The following OPRM1 variants were observed in gnomAD, a reference collection of about 807,000 sequenced individuals.
The protein encoded by OPRM1 is mu-type opioid receptor.
Under a neutral mutation model 31.8 loss-of-function variants are expected in OPRM1, and 27 were observed. That is an observed-to-expected ratio of 0.85 (90% CI 0.63 to 1.17). OPRM1 has a LOEUF of 1.17. Among genes scored for constraint, OPRM1 ranks in the 50% most tolerant of loss-of-function variants. OPRM1 has a pLI of 0.00. For synonymous variants in OPRM1, 196 were observed against 189.9 expected (o/e 1.03, Z -0.26); for missense variants, 536 against 511.1 (o/e 1.05, Z -0.47).
intron 3 of OPRM1, among the ~76,000 whole-genome samples, chr6:154,139,350 G>A (rs1230104684): frequency 6.6e-6 from 1 of 152,196 alleles, no homozygotes; most frequent in East Asian, 1.9e-4. Flanking sequence ...GAGGTCAAGA[G>A]GGGGGTTATA....
At position 154,132,030 on chromosome 6, in the gene OPRM1, G is replaced by C. The variant is rs114617822; in HGVS notation, c.*13309G>C. 4.2e-3 allele frequency among the ~76,000 whole-genome samples: 623 copies of C among 149,932 alleles called. 2 individuals carry two copies. Among genetic ancestry groups the C allele is most frequent in the African/African-American group, 0.015 (602 of 40,686 alleles). On this transcript the variant is annotated 3_prime_UTR_variant, in exon 4 of 4. Transcript: ENST00000330432. Reference sequence around the variant, plus strand: ...AAAATAAATATCTTCATTTAAAGTAGAGACAAAGCTACTATTTCACATTTC... The same window carrying C: ...AAAATAAATATCTTCATTTAAAGTACAGACAAAGCTACTATTTCACATTTC...
At chr6:154,139,352 G>A (rs546650078) in intron 3 of OPRM1, among the ~76,000 whole-genome samples, 1 of 152,294 alleles carries the variant, frequency 6.6e-6, no homozygotes, top group South Asian at 2.1e-4. Flanking sequence ...GGTCAAGAGG[G>A]GGGTTATAGT....
intron 1 of OPRM1, among the ~76,000 whole-genome samples, chr6:154,053,930 A>G (rs946076661): frequency 6.6e-6 from 1 of 152,214 alleles, no homozygotes. Context: ...GATAAAATGA[A>G]TAATAATTGA....
At position 154,214,338 on chromosome 6, in the gene OPRM1, C is replaced by T. The variant is rs565516850; in HGVS notation, c.1165-32355C>T. ...GATTAGCCCCCCACCCATTCACCTTCCCCCAGAGTTTGTTATGAAATTAGG... is the reference window on the plus strand; with the variant it reads ...GATTAGCCCCCCACCCATTCACCTTTCCCCAGAGTTTGTTATGAAATTAGG... On this transcript the variant is annotated intron_variant, in intron 3 of 3. Transcript: ENST00000337049. 581 of 1,092,396 alleles carry T rather than the reference C, an allele frequency of 5.3e-4. 4 individuals carry two copies. The African/African-American group carries it at 8.3e-3, about 16-fold the overall frequency. The allele number at this position is 1,092,396 out of a possible 1,614,324, so 67.7% of individuals were successfully genotyped here. A position where few individuals can be genotyped will look rare whatever the true frequency, so the allele number is the denominator to read the frequency against.
chr6:154,044,557 A>C (rs1780725684), intron 1 of OPRM1, among the ~76,000 whole-genome samples: 1 of 152,118 alleles, frequency 6.6e-6, no homozygotes, highest in African/African-American at 2.4e-5. Context: ...ATTTGTAAAA[A>C]TTTATTTGCA....
chr6:154,100,224 G>A (rs9479761), intron 3 of OPRM1, among the ~76,000 whole-genome samples: 30,324 of 45,276 alleles, frequency 0.67, 11,032 homozygotes, highest in East Asian at 0.87. Context: ...ATGACATATC[G>A]TAATATATAT....
chr6:154,193,378 G>T (rs1032619220), intron 3 of OPRM1, among the ~76,000 whole-genome samples: 1 of 152,116 alleles, frequency 6.6e-6, no homozygotes, highest in African/African-American at 2.4e-5. Flanking sequence ...TAAGAGTGAG[G>T]TGACAGATAA....
chr6:154,071,086 T>A (rs1177730717), intron 1 of OPRM1, among the ~76,000 whole-genome samples: 2 of 152,234 alleles, frequency 1.3e-5, no homozygotes, highest in African/African-American at 4.8e-5. Context: ...GTCTTCACTT[T>A]GATAACTTCT....
At chr6:154,092,817 A>G (rs1477359527) in intron 3 of OPRM1, among the ~76,000 whole-genome samples, 5 of 152,226 alleles carry the variant, frequency 3.3e-5, no homozygotes, top group Non-Finnish European at 5.9e-5. Context: ...CACACCCCCT[A>G]GAGAGCATGA....
chr6:154,244,301 GGT>G (rs10674508), intron 3 of OPRM1, among the ~76,000 whole-genome samples: 1,867 of 148,010 alleles, frequency 0.013, 36 homozygotes, highest in African/African-American at 0.04. Context: ...TGTGTGGGTG[GGT>G]GTGTGTGTGT....
At chr6:154,203,757 AT>A (rs1777261218) in intron 3 of OPRM1, among the ~76,000 whole-genome samples, 3 of 152,040 alleles carry the variant, frequency 2.0e-5, no homozygotes, top group African/African-American at 7.2e-5. Context: ...TTTCACCTCC[AT>A]TTTTTGCCTC....
chr6:154,102,317 G>GA (rs1401761405), intron 3 of OPRM1, among the ~76,000 whole-genome samples: 3 of 152,102 alleles, frequency 2.0e-5, no homozygotes, highest in Non-Finnish European at 4.4e-5. Context: ...TCATCTGTAA[G>GA]AAAGGTAATA....
chr6:154,167,862 A>C (rs1374935711), intron 3 of OPRM1: 1 of 1,305,892 alleles, frequency 7.7e-7, no homozygotes, highest in South Asian at 1.5e-5. Flanking sequence ...TCTCTGCAGA[A>C]CCAGCCGTTC....
At chr6:154,244,301 G>GGTAT (rs1554298353) in intron 3 of OPRM1, among the ~76,000 whole-genome samples, 1 of 147,960 alleles carries the variant, frequency 6.8e-6, no homozygotes, top group Non-Finnish European at 1.5e-5. Flanking sequence ...TGTGTGGGTG[G>GGTAT]GTGTGTGTGT....
At chr6:154,141,180 A>G (rs187151733) in intron 3 of OPRM1, among the ~76,000 whole-genome samples, 2 of 152,346 alleles carry the variant, frequency 1.3e-5, no homozygotes, top group Admixed American at 6.5e-5. Flanking sequence ...TACCTCACAT[A>G]AAAGAGATAA....
intron 1 of OPRM1, among the ~76,000 whole-genome samples, chr6:154,041,119 A>G (rs9322445): frequency 0.14 from 20,911 of 152,124 alleles, 1,537 homozygotes; most frequent in Non-Finnish European, 0.17. Context: ...GTATGCTTTC[A>G]TTACCCAGGT....
chr6:154,066,152 C>T (rs1222613741), intron 1 of OPRM1, among the ~76,000 whole-genome samples: 1 of 152,030 alleles, frequency 6.6e-6, no homozygotes, highest in Non-Finnish European at 1.5e-5. Flanking sequence ...TCTCAATATG[C>T]TGTAGAATTT....
intron 3 of OPRM1, among the ~76,000 whole-genome samples, chr6:154,115,601 C>T (rs1562486355): frequency 6.6e-6 from 1 of 152,166 alleles, no homozygotes; most frequent in African/African-American, 2.4e-5. Flanking sequence ...CCTCTACCTC[C>T]ATTGTTCCCC....
chr6:154,082,398 C>G (rs1020527024), intron 1 of OPRM1, among the ~76,000 whole-genome samples: 1 of 152,092 alleles, frequency 6.6e-6, no homozygotes, highest in African/African-American at 2.4e-5. Flanking sequence ...TATTAAGCCT[C>G]ATATTTGTTG....
Sources: allele counts gnomAD v4.1 joint callset (sites outside exome capture counted in the v4.1 genomes callset), GRCh38; gene constraint gnomAD v4.1.1; transcripts MANE v1.5; gene names NCBI Gene and HGNC (gene_info 2026-07-23, HGNC 2026-07-21).